The following SAMD14 variants were observed in gnomAD, a reference collection of about 807,000 sequenced individuals.
SAMD14 encodes the protein sterile alpha motif domain containing 14.
A neutral mutation model predicts 46.2 loss-of-function variants in SAMD14; 27 were observed. That is an observed-to-expected ratio of 0.58 (90% CI 0.43 to 0.81). The LOEUF is 0.81. Among genes scored for constraint, SAMD14 ranks in the 30% least tolerant of loss-of-function variants. The pLI, the probability that SAMD14 is intolerant of heterozygous loss-of-function variation, is 0.00. For missense variants in SAMD14, 559 were observed against 582.2 expected, an observed-to-expected ratio of 0.96 and a Z score of 0.41; for synonymous variants, 241 against 254.3, an observed-to-expected ratio of 0.95 and a Z score of 0.50.
intron 2 of SAMD14, chr17:50,124,145 C>G (rs906392117): frequency 3.5e-5 from 16 of 456,162 alleles, no homozygotes; most frequent in African/African-American, 3.2e-4. Context: ...CCACCGGAAT[C>G]CCGCTGGGAA....
chr17:50,120,703 C>T (rs1485474004), intron 2 of SAMD14, among the ~76,000 whole-genome samples: 1 of 152,198 alleles, frequency 6.6e-6, no homozygotes, highest in African/African-American at 2.4e-5. Flanking sequence ...CCGCCTGGCT[C>T]ATCCTCACAC....
intron 1 of SAMD14, among the ~76,000 whole-genome samples, chr17:50,128,618 T>C (rs1911891306): frequency 6.6e-6 from 1 of 151,922 alleles, no homozygotes; most frequent in South Asian, 2.1e-4. Context: ...CAATGACCTT[T>C]GACCCTTCTC....
Position 50,113,968 on chromosome 17 carries a change from C to T in SAMD14, c.1054G>A (p.Val352Ile). The change falls in exon 9 of 10, where the codon GTA becomes ATA. Residue 352 changes from valine to isoleucine, a missense_variant. Transcript: ENST00000330175. ...QYAAEFAARQ[V>I]DGPQLLQLDG... Reference sequence around the variant, plus strand: ...AGCTGCAGCAGCTGCGGCCCGTCTACCTGCCGTGCAGCAAACTCAGCAGCA... The same window carrying T: ...AGCTGCAGCAGCTGCGGCCCGTCTATCTGCCGTGCAGCAAACTCAGCAGCA... 1 of 1,613,762 alleles carries T rather than the reference C, an allele frequency of 6.2e-7. No homozygotes were observed. The highest frequency in any genetic ancestry group is 8.5e-7 in the Non-Finnish European group (1 of 1,180,034).
chr17:50,118,842 T>C (rs565597430), intron 2 of SAMD14, among the ~76,000 whole-genome samples: 2 of 152,306 alleles, frequency 1.3e-5, no homozygotes, highest in East Asian at 1.9e-4. Context: ...ACATACATCA[T>C]CTCTCACTCA....
In SAMD14 at chr17:50,110,150, C is replaced by T. The variant is rs115367606; in HGVS notation, c.*2743G>A. ...GACGGACTGCCGCCTCTGGGTCCCCCCACCGTGGTGCCCCTCACCATCCTC... is the reference window on the plus strand; with the variant it reads ...GACGGACTGCCGCCTCTGGGTCCCCTCACCGTGGTGCCCCTCACCATCCTC... On this transcript the variant is annotated 3_prime_UTR_variant, in exon 10 of 10. Coordinates refer to ENST00000330175, the MANE Select transcript of SAMD14 (RefSeq NM_001257359.2). 9,681 of 1,515,486 alleles carry T rather than the reference C, an allele frequency of 6.4e-3. 316 individuals carry two copies. In the African/African-American group the frequency reaches 0.074, roughly 12 times the overall value. The allele number at this position is 1,515,486 out of a possible 1,614,324, so 93.9% of individuals were successfully genotyped here.
chr17:50,123,234 C>G (rs181191657), intron 2 of SAMD14, among the ~76,000 whole-genome samples: 2 of 152,224 alleles, frequency 1.3e-5, no homozygotes, highest in African/African-American at 4.8e-5. Context: ...TACAGACAGA[C>G]GGTCTAGCTC....
intron 2 of SAMD14, among the ~76,000 whole-genome samples, chr17:50,123,814 T>C (rs1468942112): frequency 1.3e-5 from 2 of 148,950 alleles, no homozygotes; most frequent in Non-Finnish European, 3.0e-5. Context: ...GTGTGGGGAG[T>C]AGAGGGTAGG....
chr17:50,113,851 A>G, intron 9 of SAMD14, 73 bp downstream of exon 9: 1 of 1,581,722 alleles, frequency 6.3e-7, no homozygotes, highest in East Asian at 2.2e-5. Context: ...AAAGGTCAGG[A>G]TGAGGGACTT....
At chr17:50,127,440 A>G (rs1024947283) in intron 1 of SAMD14, among the ~76,000 whole-genome samples, 2 of 152,210 alleles carry the variant, frequency 1.3e-5, no homozygotes, top group African/African-American at 2.4e-5. Flanking sequence ...TGTCTCTACT[A>G]AAAATACAAA....
chr17:50,116,441 T>C (rs1233054988), intron 4 of SAMD14, among the ~76,000 whole-genome samples: 1 of 150,668 alleles, frequency 6.6e-6, no homozygotes, highest in Non-Finnish European at 1.5e-5. Context: ...GTTTTGCTCT[T>C]GTTGCCCAGG....
In SAMD14 at chr17:50,117,670, A is replaced by AG; in HGVS notation, c.235dup (p.Leu79ProfsTer90). The AG allele has an allele frequency of 6.7e-7, 1 of 1,502,864 alleles. No individual in the cohort carries two copies. Among genetic ancestry groups the AG allele is most frequent in the Non-Finnish European group, 8.8e-7 (1 of 1,135,314 alleles). The allele number at this position is 1,502,864 out of a possible 1,614,324, so 93.1% of individuals were successfully genotyped here. ...GTGCAAAGGCGAGCGCAGCCGGTGC[A>AG]GGGGGCTCCCGCAGCCATCGGTCAC... On this transcript the variant is annotated frameshift_variant, in exon 4 of 10. Coordinates refer to ENST00000330175, the MANE Select transcript of SAMD14 (RefSeq NM_001257359.2). LOFTEE classifies it high-confidence loss of function.
rs759302819 is a variant in SAMD14 at position 50,117,552 on chromosome 17, C to T, written c.354G>A (p.Pro118=). Residue 118 remains proline (P), a synonymous_variant, in exon 4 of 10, where the codon CCG becomes CCA. Transcript: ENST00000330175. ...TGTGCAGGGGCCGGTAGCGTGTGAG[C>T]GGCGAGGGCGGCGGCTCGTCCTCGT... ...SLDEDEPPPS[P]LTRYRPLHNA... The T allele has an allele frequency of 1.3e-5, 20 of 1,550,674 alleles. No individual in the cohort carries two copies. The African/African-American group carries it at 1.8e-4, about 14-fold the overall frequency.
At position 50,117,706 on chromosome 17, in the gene SAMD14, G is replaced by A; in HGVS notation, c.211-11C>T. ...GCAGCCATCGGTCACCTGGACGAGG[G>A]GGCAGCCGCTCACCGAGAACCCTCC... On this transcript the variant is annotated splice_polypyrimidine_tract_variant and intron_variant, in intron 3 of 9. Coordinates refer to ENST00000330175, the MANE Select transcript of SAMD14 (RefSeq NM_001257359.2). 1.4e-6 allele frequency: 2 copies of A among 1,431,244 alleles called. No individual in the cohort carries two copies. The highest frequency in any genetic ancestry group is 1.8e-6 in the Non-Finnish European group (2 of 1,098,476). The allele number at this position is 1,431,244 out of a possible 1,614,324, so 88.7% of individuals were successfully genotyped here.
At chr17:50,124,765 G>GTGCA in intron 2 of SAMD14, 152 bp downstream of exon 2, 1 of 634,208 alleles carries the variant, frequency 1.6e-6, no homozygotes, top group Non-Finnish European at 2.7e-6. Flanking sequence ...GCGTGCACGC[G>GTGCA]CGCGCGCACA....
chr17:50,122,080 C>T (rs916892804), intron 2 of SAMD14, among the ~76,000 whole-genome samples: 1 of 152,206 alleles, frequency 6.6e-6, no homozygotes, highest in Non-Finnish European at 1.5e-5. Context: ...TATATGTGTA[C>T]CTGCCTCTAC....
chr17:50,117,492 G>A lies in SAMD14; in HGVS notation c.414C>T (p.Ser138=), dbSNP rs780677938. Reference sequence around the variant, plus strand: ...AGGGCGCGGAGCGCGGCGGAGAGCAGGAGGCGGCGGCCAGGCCCTCGTGCG... The same window carrying A: ...AGGGCGCGGAGCGCGGCGGAGAGCAAGAGGCGGCGGCCAGGCCCTCGTGCG... ...AASHEGLAAA[S]CSPPRSAPSS... The change falls in exon 4 of 10, where the codon TCC becomes TCT. Residue 138 remains serine, a synonymous_variant. Transcript: ENST00000330175. The A allele has an allele frequency of 2.1e-6, 3 of 1,448,294 alleles. No homozygotes were observed. The highest frequency in any genetic ancestry group is 2.7e-6 in the Non-Finnish European group (3 of 1,110,238). 89.7% of individuals were successfully genotyped at this position (1,448,294 alleles called of 1,614,324 possible).
At chr17:50,116,245 T>A in intron 4 of SAMD14, 155 bp from the exon 5 acceptor site, 2 of 1,168,166 alleles carry the variant, frequency 1.7e-6, no homozygotes, top group Non-Finnish European at 2.3e-6. Context: ...TAAGCCACTT[T>A]ACCTCTCTGG....
chr17:50,126,386 G>A (rs1911773555), intron 1 of SAMD14, among the ~76,000 whole-genome samples: 1 of 149,672 alleles, frequency 6.7e-6, no homozygotes, highest in Non-Finnish European at 1.5e-5. Flanking sequence ...CTCACTGCAA[G>A]CTCTGCCTCC....
chr17:50,124,019 G>A (rs1428023998), intron 2 of SAMD14: 1 of 450,232 alleles, frequency 2.2e-6, no homozygotes, highest in Non-Finnish European at 4.5e-6. Flanking sequence ...GGGAAGAAGG[G>A]AGAGATGAGG....
Sources: allele counts gnomAD v4.1 joint callset (sites outside exome capture counted in the v4.1 genomes callset), GRCh38; gene constraint gnomAD v4.1.1; transcripts MANE v1.5; gene names NCBI Gene and HGNC (gene_info 2026-07-23, HGNC 2026-07-21).